Variants in ZSWIM6 observed in about 807,000 individuals in gnomAD.
ZSWIM6 encodes the protein zinc finger SWIM-type containing 6, also known as zinc finger SWIM domain-containing protein 6.
ZSWIM6 carries 9 observed loss-of-function variants against 113.2 expected under a neutral mutation model. That is an observed-to-expected ratio of 0.08 (90% CI 0.05 to 0.14). ZSWIM6 has a LOEUF of 0.14. Among genes scored for constraint, ZSWIM6 ranks in the 10% least tolerant of loss-of-function variants. ZSWIM6 has a pLI of 1.00. For missense variants in ZSWIM6, 1,162 were observed against 1,552.2 expected (o/e 0.75, Z 4.22); for synonymous variants, 611 against 606.5 (o/e 1.01, Z -0.11).
intron 1 of ZSWIM6, among the ~76,000 whole-genome samples, chr5:61,359,857 C>T (rs573176696): frequency 6.6e-6 from 1 of 152,114 alleles, no homozygotes; most frequent in East Asian, 1.9e-4. Flanking sequence ...CAAAACAAAA[C>T]ACCAAAAACC....
At chr5:61,453,766 A>C (rs1017344306) in intron 1 of ZSWIM6, among the ~76,000 whole-genome samples, 16 of 151,666 alleles carry the variant, frequency 1.1e-4, no homozygotes, top group Admixed American at 2.0e-4. Context: ...TCCAGTCCAC[A>C]CACTGGGAGG....
Position 61,332,339 on chromosome 5 carries a change from GGCGGCGGGGGCAGCA to G in ZSWIM6, c.75_89del (p.Ser27_Gly31del). 9.4e-7 allele frequency: 1 copy of G among 1,065,984 alleles called. No individual in the cohort carries two copies. The highest frequency in any genetic ancestry group is 1.2e-6 in the Non-Finnish European group (1 of 867,750). 66.0% of individuals were successfully genotyped at this position (1,065,984 alleles called of 1,614,324 possible). ...TTGCTGCCGGCCGGGCGGCGGCGGC[GGCGGCGGGGGCAGCA>G]GCGGCGGCGGCGGCGGCGCGGGTGG... On this transcript the variant is annotated inframe_deletion, in exon 1 of 14. Transcript: ENST00000252744.
chr5:61,518,861 C>T (rs1749035319), intron 4 of ZSWIM6, among the ~76,000 whole-genome samples: 1 of 152,032 alleles, frequency 6.6e-6, no homozygotes, highest in African/African-American at 2.4e-5. Context: ...GAAGTCCTTG[C>T]CCATGCCTAT....
intron 1 of ZSWIM6, among the ~76,000 whole-genome samples, chr5:61,355,339 C>T (rs927869700): frequency 1.4e-4 from 21 of 151,966 alleles, no homozygotes; most frequent in African/African-American, 5.1e-4. Flanking sequence ...CCCCGGCTTT[C>T]AGACTAGAAA....
At chr5:61,460,885 C>T (rs1007653713) in intron 1 of ZSWIM6, among the ~76,000 whole-genome samples, 4 of 151,552 alleles carry the variant, frequency 2.6e-5, no homozygotes, top group Non-Finnish European at 5.9e-5. Context: ...ATTATTTATT[C>T]TATATTTTTA....
rs371554885 is a variant in ZSWIM6, at chr5:61,531,391, A to G, written c.1985-74A>G. 18 of 1,461,546 alleles carry G rather than the reference A, an allele frequency of 1.2e-5. No homozygotes were observed. In the African/African-American group the frequency reaches 2.3e-4, roughly 18 times the overall value. The allele number at this position is 1,461,546 out of a possible 1,614,324, so 90.5% of individuals were successfully genotyped here. A position where few individuals can be genotyped will look rare whatever the true frequency, so the allele number is the denominator to read the frequency against. The stretch of plus-strand genomic sequence containing the variant: ...AATTCATTTGCTTGTACGGGGAAGT[A>G]TAAATATTTGTACTTATCATATCAT... On this transcript the variant is annotated intron_variant, in intron 8 of 13. Coordinates refer to ENST00000252744, the MANE Select transcript of ZSWIM6 (RefSeq NM_020928.2).
chr5:61,391,023 G>C, intron 1 of ZSWIM6: 1 of 748,800 alleles, frequency 1.3e-6, no homozygotes, highest in Non-Finnish European at 2.5e-6. Context: ...TGATCTTATA[G>C]ATCTTGTTGA....
intron 1 of ZSWIM6, among the ~76,000 whole-genome samples, chr5:61,430,793 C>T (rs372122328): frequency 1.4e-4 from 22 of 152,140 alleles, no homozygotes; most frequent in South Asian, 2.1e-4. Flanking sequence ...ATTTCAGACT[C>T]CAGATACCTT....
intron 1 of ZSWIM6, among the ~76,000 whole-genome samples, chr5:61,439,390 A>G (rs1746776990): frequency 6.6e-6 from 1 of 152,240 alleles, no homozygotes; most frequent in South Asian, 2.1e-4. Context: ...ACAGACTTAA[A>G]AATGCTTATA....
chr5:61,428,375 A>G (rs1746506953), intron 1 of ZSWIM6, among the ~76,000 whole-genome samples: 1 of 151,974 alleles, frequency 6.6e-6, no homozygotes, highest in Non-Finnish European at 1.5e-5. Context: ...AGGCTGTTTT[A>G]TTTTAGAGAT....
At chr5:61,398,719 A>G (rs1375464758) in intron 1 of ZSWIM6, among the ~76,000 whole-genome samples, 1 of 152,122 alleles carries the variant, frequency 6.6e-6, no homozygotes, top group African/African-American at 2.4e-5. Context: ...GTTCATTACA[A>G]TTTTGATTTT....
At chr5:61,386,173 T>A (rs1441910869) in intron 1 of ZSWIM6, among the ~76,000 whole-genome samples, 2 of 152,254 alleles carry the variant, frequency 1.3e-5, no homozygotes, top group East Asian at 1.9e-4. Flanking sequence ...GCCCTGGATA[T>A]GCCATACATT....
chr5:61,434,607 C>A lies in ZSWIM6; in HGVS notation c.677-38074C>A, dbSNP rs1335765840. Reference sequence around the variant, plus strand: ...GTGTTGAGCTCCATCTAAGCTGCTGCAAATACCATTATTTCGTTTCTTTTT... The same window carrying A: ...GTGTTGAGCTCCATCTAAGCTGCTGAAAATACCATTATTTCGTTTCTTTTT... On this transcript the variant is annotated intron_variant, in intron 1 of 13. Transcript: ENST00000252744. 4.6e-5 allele frequency among the ~76,000 whole-genome samples: 7 copies of A among 152,282 alleles called. No individual in the cohort carries two copies. In the East Asian group the frequency reaches 1.3e-3, roughly 29 times the overall value.
chr5:61,403,806 T>C (rs1424498968), intron 1 of ZSWIM6, among the ~76,000 whole-genome samples: 2 of 152,204 alleles, frequency 1.3e-5, no homozygotes, highest in Non-Finnish European at 2.9e-5. Flanking sequence ...GTGCAGTTCT[T>C]AGTTTTCAAT....
At chr5:61,496,739 C>T (rs80045378) in intron 4 of ZSWIM6, among the ~76,000 whole-genome samples, 8 of 152,104 alleles carry the variant, frequency 5.3e-5, no homozygotes, top group Non-Finnish European at 1.2e-4. Context: ...GTTCCCACTC[C>T]AACACCGCGC....
chr5:61,393,237 G>A (rs1045793337), intron 1 of ZSWIM6, among the ~76,000 whole-genome samples: 2 of 150,236 alleles, frequency 1.3e-5, no homozygotes, highest in African/African-American at 2.5e-5. Context: ...TAGTAGAGAC[G>A]GGGTTTCACC....
intron 1 of ZSWIM6, among the ~76,000 whole-genome samples, chr5:61,460,182 A>C (rs2112167423): frequency 6.6e-6 from 1 of 152,332 alleles, no homozygotes; most frequent in Non-Finnish European, 1.5e-5. Flanking sequence ...ATACATGTCC[A>C]GGTAGTCTTG....
chr5:61,544,186 A>G lies in ZSWIM6; in HGVS notation c.3517A>G (p.Ser1173Gly). The G allele has an allele frequency of 6.4e-7, 1 of 1,551,748 alleles. No homozygotes were observed. The highest frequency in any genetic ancestry group is 1.4e-5 in the African/African-American group (1 of 73,176). ...CTATAGTGAGTTTATAGAGTTCCTC[A>G]GCAAAGCCCGAGAGACCTTCTTAAT... ...RHYSEFIEFLSKARETFLMAH... is the reference protein window; with the variant it reads ...RHYSEFIEFLGKARETFLMAH... Residue 1173 changes from serine (S) to glycine (G), a missense_variant, in exon 14 of 14, where the codon AGC becomes GGC. Transcript: ENST00000252744.
intron 1 of ZSWIM6, among the ~76,000 whole-genome samples, chr5:61,458,744 G>T (rs1448980406): frequency 6.6e-6 from 1 of 152,034 alleles, no homozygotes; most frequent in Non-Finnish European, 1.5e-5. Context: ...TGGGCATGGT[G>T]GCAGGCACTT....
Sources: allele counts gnomAD v4.1 joint callset (sites outside exome capture counted in the v4.1 genomes callset), GRCh38; gene constraint gnomAD v4.1.1; transcripts MANE v1.5; gene names NCBI Gene and HGNC (gene_info 2026-07-23, HGNC 2026-07-21).